PSMD14: variants seen among roughly 807,000 people sequenced by gnomAD.
PSMD14 encodes ubiquitin C-terminal hydrolase PSMD14.
In PSMD14, 7 loss-of-function variants were observed where a neutral mutation model predicts 41.2. The observed-to-expected ratio is 0.17, with a 90% CI of 0.10 to 0.32. The LOEUF (loss-of-function observed/expected upper bound fraction) is 0.32. PSMD14 is among the 10% of genes least tolerant of loss of function. The pLI is 1.00. For synonymous variants in PSMD14, 114 were observed against 122.3 expected, an observed-to-expected ratio of 0.93 and a Z score of 0.45; for missense variants, 139 against 375.6, an observed-to-expected ratio of 0.37 and a Z score of 5.21.
At chr2:161,318,723 T>G in intron 2 of PSMD14, 99 bp from the exon 3 acceptor site, 2 of 858,634 alleles carry the variant, frequency 2.3e-6, no homozygotes, top group Non-Finnish European at 1.9e-6. Flanking sequence ...ACCACCAATA[T>G]TTTTGACATA....
At chr2:161,404,507 A>T (rs943943620) in intron 10 of PSMD14, among the ~76,000 whole-genome samples, 16 of 152,096 alleles carry the variant, frequency 1.1e-4, no homozygotes, top group African/African-American at 3.6e-4. Context: ...GTTCTCTATC[A>T]TGGCACCCTT....
intron 7 of PSMD14, among the ~76,000 whole-genome samples, chr2:161,373,464 T>C (rs1160914301): frequency 2.0e-5 from 3 of 152,028 alleles, no homozygotes; most frequent in East Asian, 1.9e-4. Context: ...TTATGGTTCT[T>C]TCAGTGTCAA....
intron 11 of PSMD14, among the ~76,000 whole-genome samples, chr2:161,410,813 A>G (rs948639000): frequency 1.3e-5 from 2 of 152,092 alleles, no homozygotes; most frequent in African/African-American, 4.8e-5. Context: ...AAATATTAAA[A>G]TTGTACAGAA....
intron 9 of PSMD14, among the ~76,000 whole-genome samples, chr2:161,391,481 ACTTAT>A (rs927611260): frequency 6.6e-6 from 1 of 152,174 alleles, no homozygotes; most frequent in Non-Finnish European, 1.5e-5. Context: ...TTTCTGATTA[ACTTAT>A]CTTCTTCAAT....
At chr2:161,322,091 G>A (rs768026623) in intron 3 of PSMD14, among the ~76,000 whole-genome samples, 13 of 152,152 alleles carry the variant, frequency 8.5e-5, no homozygotes, top group Non-Finnish European at 1.6e-4. Flanking sequence ...ATCTAGGGGT[G>A]TGCACTAAGT....
At chr2:161,403,323 GA>G (rs935851094) in intron 10 of PSMD14, among the ~76,000 whole-genome samples, 4 of 152,086 alleles carry the variant, frequency 2.6e-5, no homozygotes, top group Non-Finnish European at 4.4e-5. Flanking sequence ...CAATTTATAT[GA>G]AAAAAACAGA....
chr2:161,383,338 TGTAAA>T (rs1161956861), intron 7 of PSMD14: 1 of 152,094 alleles, frequency 6.6e-6, no homozygotes, highest in African/African-American at 2.4e-5. Context: ...TTAATCTTAG[TGTAAA>T]GTAGTCATTT....
At chr2:161,397,111 T>C (rs771287595) in intron 10 of PSMD14, among the ~76,000 whole-genome samples, 9 of 152,184 alleles carry the variant, frequency 5.9e-5, no homozygotes, top group Non-Finnish European at 1.2e-4. Context: ...ATTACAGGAA[T>C]GAGCCACCGT....
intron 3 of PSMD14, among the ~76,000 whole-genome samples, chr2:161,341,878 GTA>G (rs1682967707): frequency 1.4e-5 from 2 of 143,726 alleles, no homozygotes; most frequent in African/African-American, 5.0e-5. Flanking sequence ...AAATATATAT[GTA>G]TATATAAATT....
intron 7 of PSMD14, among the ~76,000 whole-genome samples, chr2:161,380,802 C>T (rs1007892566): frequency 3.3e-5 from 5 of 151,992 alleles, no homozygotes; most frequent in African/African-American, 1.2e-4. Context: ...TGTGGGCTTA[C>T]AAGAGACATA....
intron 3 of PSMD14, among the ~76,000 whole-genome samples, chr2:161,345,357 C>T (rs1683025898): frequency 6.6e-6 from 1 of 150,592 alleles, no homozygotes; most frequent in Non-Finnish European, 1.5e-5. Context: ...ATCCTCCCAC[C>T]TCACCCTCCT....
chr2:161,410,301 C>T (rs1440212102), intron 11 of PSMD14, among the ~76,000 whole-genome samples: 1 of 151,480 alleles, frequency 6.6e-6, no homozygotes, highest in Admixed American at 6.6e-5. Flanking sequence ...CATGTTGTAT[C>T]TCTGGGTTGT....
chr2:161,368,194 T>C (rs371089587), intron 5 of PSMD14, among the ~76,000 whole-genome samples: 13 of 151,522 alleles, frequency 8.6e-5, no homozygotes, highest in African/African-American at 2.7e-4. Context: ...TACCCTATAA[T>C]AGCAGAGTGT....
intron 3 of PSMD14, among the ~76,000 whole-genome samples, chr2:161,319,482 T>C (rs1013300114): frequency 6.6e-6 from 1 of 152,146 alleles, no homozygotes; most frequent in Non-Finnish European, 1.5e-5. Flanking sequence ...CTCAGGATAG[T>C]CTATCTGCTT....
chr2:161,317,277 G>A (rs1371422974), intron 2 of PSMD14, among the ~76,000 whole-genome samples: 1 of 152,054 alleles, frequency 6.6e-6, no homozygotes, highest in Non-Finnish European at 1.5e-5. Context: ...TGGAAATTTT[G>A]TCTGTATTAC....
intron 2 of PSMD14, among the ~76,000 whole-genome samples, chr2:161,317,067 A>AT (rs1460330324): frequency 6.6e-6 from 1 of 152,030 alleles, no homozygotes; most frequent in Non-Finnish European, 1.5e-5. Flanking sequence ...TCCAAAAGAA[A>AT]TTTTTTTCTT....
intron 3 of PSMD14, among the ~76,000 whole-genome samples, chr2:161,364,666 T>C (rs1683335266): frequency 6.6e-6 from 1 of 152,206 alleles, no homozygotes. Context: ...CACTGCTGGC[T>C]GAGGTCTTTA....
chr2:161,341,416 A>T (rs916284920), intron 3 of PSMD14: 1 of 525,834 alleles, frequency 1.9e-6, no homozygotes, highest in Non-Finnish European at 2.4e-6. Flanking sequence ...TGAGTTCTTT[A>T]TATGTTCTGA....
Position 161,342,705 on chromosome 2 carries a change from G to A in PSMD14, c.48+23832G>A, listed in dbSNP as rs62194488. ...ACATTTCACAAAATTATTGAATGTC[G>A]TTAAGTTTAAATCTTTCATTTTGCT... On this transcript the variant is annotated intron_variant, in intron 3 of 11. Transcript: ENST00000409682. 9.7e-3 allele frequency among the ~76,000 whole-genome samples: 1,466 copies of A among 151,726 alleles called. 9 individuals are homozygous for A. The highest frequency in any genetic ancestry group is 0.014 in the Non-Finnish European group (981 of 67,906).
Sources: allele counts gnomAD v4.1 joint callset (sites outside exome capture counted in the v4.1 genomes callset), GRCh38; gene constraint gnomAD v4.1.1; transcripts MANE v1.5; gene names NCBI Gene and HGNC (gene_info 2026-07-23, HGNC 2026-07-21).